Variants in LRRC7 observed in about 807,000 individuals in gnomAD.
LRRC7 encodes the protein leucine rich repeat containing 7, also known as leucine-rich repeat-containing protein 7.
A neutral mutation model predicts 175.7 loss-of-function variants in LRRC7; 23 were observed. The observed-to-expected ratio is 0.13, with a 90% CI of 0.09 to 0.19. The LOEUF is 0.19. LRRC7 is among the 10% of genes least tolerant of loss of function. LRRC7 has a pLI of 1.00. For missense variants in LRRC7, 1,354 were observed against 1,904.7 expected (o/e 0.71, Z 5.38); for synonymous variants, 685 against 680.9 (o/e 1.01, Z -0.09).
intron 1 of LRRC7, among the ~76,000 whole-genome samples, chr1:69,581,372 T>C (rs932619009): frequency 6.6e-6 from 1 of 152,178 alleles, no homozygotes; most frequent in Non-Finnish European, 1.5e-5. Context: ...AAGAGATAGA[T>C]GAAAGTGAAA....
chr1:69,805,433 A>G (rs1043855210), intron 4 of LRRC7, among the ~76,000 whole-genome samples: 1 of 151,862 alleles, frequency 6.6e-6, no homozygotes, highest in Admixed American at 6.6e-5. Flanking sequence ...AAATGGTACC[A>G]TGCAATTGTT....
chr1:69,657,561 G>A (rs896859766), intron 1 of LRRC7, among the ~76,000 whole-genome samples: 3 of 151,712 alleles, frequency 2.0e-5, no homozygotes, highest in South Asian at 2.1e-4. Flanking sequence ...ATTTTTCCCC[G>A]ATGTGTCTTC....
intron 26 of LRRC7, among the ~76,000 whole-genome samples, chr1:70,118,065 AC>A: frequency 3.1e-5 from 1 of 32,650 alleles, no homozygotes; most frequent in Non-Finnish European, 8.1e-5. Flanking sequence ...TCTTCTATGC[AC>A]ACACACACAC....
rs1415654478 is a variant in LRRC7 at position 69,567,985 on chromosome 1, C to T, written c.-655C>T. 3.3e-5 allele frequency among the ~76,000 whole-genome samples: 5 copies of T among 152,106 alleles called. No individual in the cohort carries two copies. The highest frequency in any genetic ancestry group is 7.4e-5 in the Non-Finnish European group (5 of 68,020). ...GGAGGACCCTACTCCGGGTGAACAC[C>T]GGGCTTGAAGCCACGGACACCCAGC... On this transcript the variant is annotated 5_prime_UTR_variant, in exon 1 of 27. Coordinates refer to ENST00000651989, the MANE Select transcript of LRRC7 (RefSeq NM_001370785.2).
intron 2 of LRRC7, among the ~76,000 whole-genome samples, chr1:69,703,939 G>A (rs909480613): frequency 1.3e-5 from 2 of 151,846 alleles, no homozygotes; most frequent in Non-Finnish European, 1.5e-5. Context: ...TTTGGTCAGC[G>A]TTCTTATTTA....
At chr1:69,943,982 AC>A (rs1649025895) in intron 8 of LRRC7, among the ~76,000 whole-genome samples, 1 of 150,210 alleles carries the variant, frequency 6.7e-6, no homozygotes, top group African/African-American at 2.4e-5. Flanking sequence ...ACACACACAC[AC>A]ACACAACATG....
At chr1:70,101,808 TC>T (rs1170848277) in intron 25 of LRRC7, among the ~76,000 whole-genome samples, 1 of 152,214 alleles carries the variant, frequency 6.6e-6, no homozygotes, top group Admixed American at 6.5e-5. Flanking sequence ...ATGTGGCTCA[TC>T]CAGCTAGCCC....
At chr1:69,864,436 T>G (rs1035466866) in intron 7 of LRRC7, among the ~76,000 whole-genome samples, 1 of 152,196 alleles carries the variant, frequency 6.6e-6, no homozygotes, top group Non-Finnish European at 1.5e-5. Context: ...AAACATGTAC[T>G]ATTAAAATAT....
chr1:69,609,955 T>C (rs2100243543), intron 1 of LRRC7, among the ~76,000 whole-genome samples: 1 of 152,204 alleles, frequency 6.6e-6, no homozygotes, highest in East Asian at 1.9e-4. Flanking sequence ...GGACCCACTA[T>C]GTCCAATCAG....
chr1:69,712,013 G>T (rs1664803647), intron 2 of LRRC7, among the ~76,000 whole-genome samples: 1 of 152,244 alleles, frequency 6.6e-6, no homozygotes. Context: ...ACTGCATGAG[G>T]AGATTGTATT....
At chr1:69,859,731 A>G (rs1684156888) in intron 7 of LRRC7, among the ~76,000 whole-genome samples, 1 of 152,024 alleles carries the variant, frequency 6.6e-6, no homozygotes, top group Admixed American at 6.6e-5. Flanking sequence ...AGAGCTAACA[A>G]AGTTGAGAAA....
intron 2 of LRRC7, among the ~76,000 whole-genome samples, chr1:69,710,310 A>G (rs1324287824): frequency 6.6e-6 from 1 of 151,620 alleles, no homozygotes; most frequent in Non-Finnish European, 1.5e-5. Flanking sequence ...AAAGAAAGAA[A>G]AAATGTCAAG....
At chr1:69,867,918 A>C (rs910840615) in intron 7 of LRRC7, among the ~76,000 whole-genome samples, 19 of 152,194 alleles carry the variant, frequency 1.2e-4, no homozygotes, top group African/African-American at 4.6e-4. Flanking sequence ...GTAAAATTCC[A>C]TAAAATTAAA....
intron 2 of LRRC7, among the ~76,000 whole-genome samples, chr1:69,757,596 AT>A (rs1670571045): frequency 6.6e-6 from 1 of 151,992 alleles, no homozygotes; most frequent in African/African-American, 2.4e-5. Context: ...GCCTAAGTGA[AT>A]ACAATTTCAA....
intron 1 of LRRC7, among the ~76,000 whole-genome samples, chr1:69,601,928 G>A (rs375755380): frequency 1.2e-4 from 18 of 152,216 alleles, no homozygotes; most frequent in South Asian, 2.1e-4. Context: ...TGGTTCACAC[G>A]TGTATTTTCT....
chr1:69,710,580 C>A (rs1664642883), intron 2 of LRRC7, among the ~76,000 whole-genome samples: 1 of 152,174 alleles, frequency 6.6e-6, no homozygotes, highest in South Asian at 2.1e-4. Context: ...AAACCATGTG[C>A]ATGAAAGAAA....
Position 70,038,194 on chromosome 1 carries a change from A to T in LRRC7, c.2370A>T (p.Pro790=). The change falls in exon 21 of 27, where the codon CCA becomes CCT. Residue 790 remains proline, a synonymous_variant. Transcript: ENST00000651989. Reference sequence around the variant, plus strand: ...AGGCTGTTCCCCCAGGCAATATACCACAGCGTCCTGACCGGCTGCCCATGA... The same window carrying T: ...AGGCTGTTCCCCCAGGCAATATACCTCAGCGTCCTGACCGGCTGCCCATGA... ...QREAVPPGNI[P]QRPDRLPMSD... 6.2e-7 allele frequency: 1 copy of T among 1,614,108 alleles called. No individual in the cohort carries two copies. The highest frequency in any genetic ancestry group is 8.5e-7 in the Non-Finnish European group (1 of 1,180,000).
chr1:70,043,842 T>A (rs1375595185), intron 21 of LRRC7, 112 bp from the exon 22 acceptor site: 1 of 1,274,522 alleles, frequency 7.8e-7, no homozygotes, highest in Non-Finnish European at 1.1e-6. Flanking sequence ...TTTAAAAAGT[T>A]ACTGTTTGCC....
intron 23 of LRRC7, 79 bp downstream of exon 23, chr1:70,053,224 T>C: frequency 7.8e-7 from 1 of 1,277,370 alleles, no homozygotes; most frequent in Non-Finnish European, 1.0e-6. Context: ...TTTTGTGTCT[T>C]ATCATAATTT....
Sources: gnomAD v4.1 joint callset for allele counts (sites outside exome capture counted in the v4.1 genomes callset) on GRCh38, gnomAD v4.1.1 for gene constraint, MANE v1.5 for transcripts, NCBI Gene and HGNC (gene_info 2026-07-23, HGNC 2026-07-21) for gene names.